Variants in MDFIC observed in about 807,000 individuals in gnomAD.
MDFIC encodes myoD family inhibitor domain-containing protein.
A neutral mutation model predicts 23.2 loss-of-function variants in MDFIC; 17 were observed. That is an observed-to-expected ratio of 0.73 (90% CI 0.50 to 1.10). The LOEUF is 1.10. Among genes scored for constraint, MDFIC ranks in the 50% least tolerant of loss-of-function variants. The pLI, the probability that MDFIC is intolerant of heterozygous loss-of-function variation, is 0.00. For missense variants in MDFIC, 356 were observed against 316.6 expected, an observed-to-expected ratio of 1.12 and a Z score of -0.95; for synonymous variants, 120 against 115.2, an observed-to-expected ratio of 1.04 and a Z score of -0.27.
chr7:115,000,967 A>C (rs541056324), intron 4 of MDFIC, among the ~76,000 whole-genome samples: 15 of 152,304 alleles, frequency 9.8e-5, no homozygotes, highest in Non-Finnish European at 1.9e-4. Flanking sequence ...GATATGCAAC[A>C]TAGTGTGGCC....
chr7:114,987,687 G>A (rs1041060484), intron 4 of MDFIC, among the ~76,000 whole-genome samples: 7 of 152,172 alleles, frequency 4.6e-5, no homozygotes, highest in African/African-American at 2.4e-5. Context: ...ACAATGAGGA[G>A]TGTGTGTATG....
Position 114,933,340 on chromosome 7 carries a change from C to G in MDFIC, c.95-8935C>G, listed in dbSNP as rs532700935. On this transcript the variant is annotated intron_variant, in intron 2 of 4. Transcript: ENST00000393486. The stretch of plus-strand genomic sequence containing the variant: ...ATGGCGTGATCTCGGCTCACTGCAG[C>G]CTCCGCCTCCCAGGTTCAAGCGATT... Among the ~76,000 whole-genome samples, 25 of 150,976 alleles carry G rather than the reference C, an allele frequency of 1.7e-4. 1 individual carries two copies. Among genetic ancestry groups the G allele is most frequent in the African/African-American group, 5.8e-4 (24 of 41,122 alleles).
intron 4 of MDFIC, among the ~76,000 whole-genome samples, chr7:114,996,174 A>T (rs913131422): frequency 5.9e-5 from 9 of 152,182 alleles, no homozygotes; most frequent in Non-Finnish European, 1.0e-4. Context: ...TTGTGCTGAT[A>T]GTGGACTACA....
chr7:114,982,847 T>C (rs528471918), intron 4 of MDFIC, among the ~76,000 whole-genome samples: 1 of 152,226 alleles, frequency 6.6e-6, no homozygotes, highest in Non-Finnish European at 1.5e-5. Flanking sequence ...TCTAAGATGA[T>C]GCCTTGTTGC....
intron 4 of MDFIC, among the ~76,000 whole-genome samples, chr7:114,980,459 G>A (rs966939185): frequency 2.6e-5 from 4 of 151,998 alleles, no homozygotes; most frequent in Admixed American, 1.3e-4. Flanking sequence ...CCCTTGGCTG[G>A]GTTAAAAGCA....
intron 3 of MDFIC, among the ~76,000 whole-genome samples, chr7:114,973,671 C>G (rs1793252454): frequency 6.6e-6 from 1 of 152,168 alleles, no homozygotes; most frequent in Non-Finnish European, 1.5e-5. Flanking sequence ...AACACAACTT[C>G]TAAAGTTTTA....
chr7:114,952,467 C>T (rs1792796475), intron 3 of MDFIC, among the ~76,000 whole-genome samples: 1 of 151,858 alleles, frequency 6.6e-6, no homozygotes, highest in South Asian at 2.1e-4. Context: ...ATCCATGCTC[C>T]ACAGTTTTCC....
intron 3 of MDFIC, among the ~76,000 whole-genome samples, chr7:114,947,143 C>G (rs1792662207): frequency 6.6e-6 from 1 of 152,002 alleles, no homozygotes; most frequent in African/African-American, 2.4e-5. Flanking sequence ...ATCAACCAGC[C>G]CCTAGATAAC....
At chr7:115,013,861 A>T in intron 4 of MDFIC, 1 of 422,516 alleles carries the variant, frequency 2.4e-6, no homozygotes, top group Non-Finnish European at 3.2e-6. Flanking sequence ...GCCTTTATTC[A>T]TGTAGGTGGA....
At chr7:114,928,026 G>A (rs936790407) in intron 2 of MDFIC, among the ~76,000 whole-genome samples, 4 of 152,126 alleles carry the variant, frequency 2.6e-5, no homozygotes, top group African/African-American at 9.7e-5. Context: ...ATTTGAAAGA[G>A]GATTTGGGAA....
At chr7:114,989,569 G>C (rs1480482464) in intron 4 of MDFIC, among the ~76,000 whole-genome samples, 1 of 152,162 alleles carries the variant, frequency 6.6e-6, no homozygotes, top group African/African-American at 2.4e-5. Flanking sequence ...AGCATATAGT[G>C]TATTTAGACT....
intron 3 of MDFIC, among the ~76,000 whole-genome samples, chr7:114,951,660 G>GTT (rs142612845): frequency 1.3e-5 from 2 of 150,608 alleles, no homozygotes; most frequent in African/African-American, 4.9e-5. Flanking sequence ...TCTTTTCTGT[G>GTT]TTTTTTTTTC....
At chr7:114,982,873 G>T (rs571424479) in intron 4 of MDFIC, among the ~76,000 whole-genome samples, 1 of 152,172 alleles carries the variant, frequency 6.6e-6, no homozygotes, top group Non-Finnish European at 1.5e-5. Flanking sequence ...CCTTGGAAAG[G>T]GAGGAGCGTG....
Position 115,016,121 on chromosome 7 carries a change from T to A in MDFIC, c.*186T>A. ...CTACATGGTTTAATATGTGAAATTT[T>A]AACTACTTTAACTAGTTTTATAAAT... On this transcript the variant is annotated 3_prime_UTR_variant, in exon 5 of 5. Coordinates refer to ENST00000393486, the MANE Select transcript of MDFIC (RefSeq NM_001166345.3). The A allele has an allele frequency of 1.8e-6, 1 of 567,144 alleles. No individual in the cohort carries two copies. The highest frequency in any genetic ancestry group is 3.0e-6 in the Non-Finnish European group (1 of 331,692). The allele number at this position is 567,144 out of a possible 1,614,324, so 35.1% of individuals were successfully genotyped here.
rs536585681 is a variant in MDFIC, at chr7:114,965,444, G to A, written c.218-14062G>A. Among the ~76,000 whole-genome samples, 10 of 152,220 alleles carry A rather than the reference G, an allele frequency of 6.6e-5. 1 individual carries two copies. The highest frequency in any genetic ancestry group is 6.2e-4 in the South Asian group (3 of 4,818). On this transcript the variant is annotated intron_variant, in intron 3 of 4. Transcript: ENST00000393486. The stretch of plus-strand genomic sequence containing the variant: ...TTGGTAGTGAAATGGAAGATGGGCC[G>A]GAAGAGAAAATCTGGACTCCCAGAG...
intron 4 of MDFIC, chr7:115,014,418 G>A (rs1442778386): frequency 7.8e-7 from 1 of 1,289,374 alleles, no homozygotes; most frequent in Non-Finnish European, 1.0e-6. Context: ...TAGCATGGCT[G>A]CCAAGCAACA....
chr7:114,998,000 C>T (rs561508472), intron 4 of MDFIC, among the ~76,000 whole-genome samples: 2 of 152,108 alleles, frequency 1.3e-5, no homozygotes, highest in African/African-American at 4.8e-5. Context: ...GACTTTCTAC[C>T]TAAGAAAATA....
intron 4 of MDFIC, among the ~76,000 whole-genome samples, chr7:115,002,079 G>A (rs981123593): frequency 2.0e-5 from 3 of 152,150 alleles, no homozygotes; most frequent in African/African-American, 4.8e-5. Flanking sequence ...AGAGGTTGCC[G>A]TGTGCCGAGA....
At chr7:114,964,702 C>A (rs1793063590) in intron 3 of MDFIC, among the ~76,000 whole-genome samples, 1 of 152,178 alleles carries the variant, frequency 6.6e-6, no homozygotes, top group Admixed American at 6.5e-5. Flanking sequence ...AGGCACCCGC[C>A]ACCACACCCA....
Sources: gnomAD v4.1 joint callset for allele counts (sites outside exome capture counted in the v4.1 genomes callset) on GRCh38, gnomAD v4.1.1 for gene constraint, MANE v1.5 for transcripts, NCBI Gene and HGNC (gene_info 2026-07-23, HGNC 2026-07-21) for gene names.